KLHL1: variants seen among roughly 807,000 people sequenced by gnomAD.
KLHL1 encodes kelch-like protein 1.
In KLHL1, 47 loss-of-function variants were observed where a neutral mutation model predicts 77.7. That is an observed-to-expected ratio of 0.60 (90% CI 0.48 to 0.77). The LOEUF (loss-of-function observed/expected upper bound fraction) is 0.77, where lower values mean the gene tolerates loss of function less well. KLHL1 is among the 30% of genes least tolerant of loss of function. KLHL1 has a pLI of 0.00. For missense variants in KLHL1, 925 were observed against 910.8 expected (o/e 1.02, Z -0.20); for synonymous variants, 360 against 325.2 (o/e 1.11, Z -1.15).
At chr13:69,869,440 A>G (rs915486634) in intron 5 of KLHL1, among the ~76,000 whole-genome samples, 2 of 152,188 alleles carry the variant, frequency 1.3e-5, no homozygotes, top group Non-Finnish European at 2.9e-5. Context: ...TTGAAAGACT[A>G]ATCCAATGAA....
chr13:69,932,608 T>C (rs1196505306), intron 4 of KLHL1, among the ~76,000 whole-genome samples: 1 of 151,920 alleles, frequency 6.6e-6, no homozygotes, highest in Non-Finnish European at 1.5e-5. Context: ...TGCCACAGCA[T>C]CAACTTGAGA....
chr13:69,799,804 A>G (rs1593843493), intron 6 of KLHL1, among the ~76,000 whole-genome samples: 2 of 152,162 alleles, frequency 1.3e-5, no homozygotes, highest in South Asian at 2.1e-4. Flanking sequence ...AACTTCCAGG[A>G]CGTGGACCAG....
intron 7 of KLHL1, among the ~76,000 whole-genome samples, chr13:69,789,602 G>A (rs1291616934): frequency 6.6e-6 from 1 of 152,114 alleles, no homozygotes; most frequent in Non-Finnish European, 1.5e-5. Flanking sequence ...ACCAATAGTA[G>A]AATGAACAAA....
At chr13:69,869,717 A>C (rs1880507520) in intron 5 of KLHL1, among the ~76,000 whole-genome samples, 2 of 152,192 alleles carry the variant, frequency 1.3e-5, no homozygotes, top group Admixed American at 1.3e-4. Context: ...CTTAGAAATG[A>C]AAATCTTAGT....
intron 3 of KLHL1, among the ~76,000 whole-genome samples, chr13:69,945,206 C>G (rs1656835361): frequency 6.6e-6 from 1 of 151,796 alleles, no homozygotes; most frequent in Non-Finnish European, 1.5e-5. Flanking sequence ...AGGCTGGTCT[C>G]AAACTCCTGA....
chr13:70,061,245 A>C (rs764824274), intron 1 of KLHL1, among the ~76,000 whole-genome samples: 10 of 152,164 alleles, frequency 6.6e-5, no homozygotes, highest in Non-Finnish European at 1.2e-4. Flanking sequence ...CATTTAATCT[A>C]CTGGAATTTG....
Position 69,832,818 on chromosome 13 carries a change from C to T in KLHL1, c.1414+6158G>A, listed in dbSNP as rs548889901. On this transcript the variant is annotated intron_variant, in intron 6 of 10. Coordinates refer to ENST00000377844, the MANE Select transcript of KLHL1 (RefSeq NM_020866.3). ...AAGAGAGCCAAATAGTTACAGCCAA[C>T]TGATCTTTGACAAAGGAAACAAAAA... Among the ~76,000 whole-genome samples, 20 of 152,178 alleles carry T rather than the reference C, an allele frequency of 1.3e-4. No homozygotes were observed. In the South Asian group the frequency reaches 4.1e-3, roughly 32 times the overall value.
At chr13:69,776,678 G>T (rs1055547128) in intron 7 of KLHL1, among the ~76,000 whole-genome samples, 4 of 151,950 alleles carry the variant, frequency 2.6e-5, no homozygotes, top group Non-Finnish European at 4.4e-5. Flanking sequence ...CAGGTTAAAG[G>T]CATTTGTTAA....
chr13:69,809,097 C>T (rs973339512), intron 6 of KLHL1, among the ~76,000 whole-genome samples: 1 of 151,874 alleles, frequency 6.6e-6, no homozygotes, highest in African/African-American at 2.4e-5. Flanking sequence ...ATTAGCGTAC[C>T]TGGGAGAGAA....
chr13:69,898,841 T>C (rs1308148877), intron 4 of KLHL1, among the ~76,000 whole-genome samples: 2 of 152,180 alleles, frequency 1.3e-5, no homozygotes, highest in African/African-American at 4.8e-5. Context: ...AAGGATTCAA[T>C]GCCACATGTG....
intron 5 of KLHL1, among the ~76,000 whole-genome samples, chr13:69,852,382 C>G (rs1239969404): frequency 6.6e-6 from 1 of 151,850 alleles, no homozygotes; most frequent in Non-Finnish European, 1.5e-5. Context: ...TACCTTGACA[C>G]AAATCTTCAG....
chr13:69,987,944 T>G (rs1445958754), intron 1 of KLHL1, among the ~76,000 whole-genome samples: 2 of 152,038 alleles, frequency 1.3e-5, no homozygotes, highest in African/African-American at 4.8e-5. Context: ...TTTATTTCAA[T>G]TTTCTTTTTT....
At chr13:69,922,230 A>G (rs1882665813) in intron 4 of KLHL1, among the ~76,000 whole-genome samples, 1 of 152,128 alleles carries the variant, frequency 6.6e-6, no homozygotes, top group Admixed American at 6.5e-5. Flanking sequence ...TACTTGTGTG[A>G]ACCGTCACAC....
chr13:69,738,958 G>T (rs1162854520), intron 8 of KLHL1, among the ~76,000 whole-genome samples: 2 of 151,936 alleles, frequency 1.3e-5, no homozygotes, highest in Non-Finnish European at 2.9e-5. Flanking sequence ...CATCAGATTC[G>T]CCAAAGTCGA....
At chr13:70,041,865 C>T (rs762592015) in intron 1 of KLHL1, among the ~76,000 whole-genome samples, 2 of 152,128 alleles carry the variant, frequency 1.3e-5, no homozygotes, top group Non-Finnish European at 2.9e-5. Context: ...CCTTCTCTGA[C>T]AACACCACTG....
intron 8 of KLHL1, among the ~76,000 whole-genome samples, chr13:69,735,740 T>C (rs555004128): frequency 6.6e-6 from 1 of 151,816 alleles, no homozygotes; most frequent in African/African-American, 2.4e-5. Flanking sequence ...AATTTAGAGA[T>C]CCCACATCTT....
At chr13:69,911,611 A>G (rs889896618) in intron 4 of KLHL1, among the ~76,000 whole-genome samples, 1 of 151,880 alleles carries the variant, frequency 6.6e-6, no homozygotes, top group Non-Finnish European at 1.5e-5. Flanking sequence ...TAACTCAAAC[A>G]ATGCTAAGAA....
intron 7 of KLHL1, among the ~76,000 whole-genome samples, chr13:69,756,321 A>G (rs1007867757): frequency 6.6e-6 from 1 of 152,176 alleles, no homozygotes; most frequent in Non-Finnish European, 1.5e-5. Flanking sequence ...AAATGGAATG[A>G]GTTTGAAGAC....
chr13:69,710,344 T>C (rs1008429686), intron 9 of KLHL1, among the ~76,000 whole-genome samples: 3 of 152,022 alleles, frequency 2.0e-5, no homozygotes, highest in Non-Finnish European at 4.4e-5. Flanking sequence ...TGTTGGAAAA[T>C]ACAAATCTTT....
Sources: gnomAD v4.1 joint callset for allele counts (sites outside exome capture counted in the v4.1 genomes callset) on GRCh38, gnomAD v4.1.1 for gene constraint, MANE v1.5 for transcripts, NCBI Gene and HGNC (gene_info 2026-07-23, HGNC 2026-07-21) for gene names.